FHIT: variants seen among roughly 807,000 people sequenced by gnomAD.
FHIT encodes bis(5'-adenosyl)-triphosphatase.
Under a neutral mutation model 17.9 loss-of-function variants are expected in FHIT, and 19 were observed. That is an observed-to-expected ratio of 1.06 (90% CI 0.74 to 1.56). The LOEUF is 1.56. Ranked by LOEUF, FHIT falls within the 40% of genes most tolerant of loss-of-function variation. FHIT has a pLI of 0.00. For synonymous variants in FHIT, 81 were observed against 69.7 expected, an observed-to-expected ratio of 1.16 and a Z score of -0.81; for missense variants, 248 against 189.2, an observed-to-expected ratio of 1.31 and a Z score of -1.82.
chr3:60,589,831 C>G (rs905032777), intron 4 of FHIT, among the ~76,000 whole-genome samples: 1 of 152,090 alleles, frequency 6.6e-6, no homozygotes, highest in Non-Finnish European at 1.5e-5. Flanking sequence ...TGCTGACCAG[C>G]AAACATGAAT....
chr3:60,423,506 A>G (rs17063054), intron 5 of FHIT, among the ~76,000 whole-genome samples: 1,643 of 152,024 alleles, frequency 0.011, 14 homozygotes, highest in Middle Eastern at 0.017. Context: ...ATTGATATGA[A>G]TGAGATATCT....
At chr3:61,060,917 T>C (rs1036664473) in intron 2 of FHIT, among the ~76,000 whole-genome samples, 3 of 152,204 alleles carry the variant, frequency 2.0e-5, no homozygotes, top group Admixed American at 1.3e-4. Context: ...GTTACCCTGG[T>C]TTCCTAAGCA....
intron 4 of FHIT, among the ~76,000 whole-genome samples, chr3:60,639,925 C>G (rs2856059): frequency 6.6e-6 from 1 of 151,904 alleles, no homozygotes; most frequent in Non-Finnish European, 1.5e-5. Context: ...CACAAAATGT[C>G]GAATAACCAT....
chr3:61,168,822 C>T (rs886456642), intron 2 of FHIT, among the ~76,000 whole-genome samples: 2 of 152,188 alleles, frequency 1.3e-5, no homozygotes, highest in Non-Finnish European at 2.9e-5. Flanking sequence ...CACCATGAAG[C>T]TCAAATTTGC....
chr3:60,435,805 T>C (rs1018836345), intron 5 of FHIT, among the ~76,000 whole-genome samples: 1 of 152,092 alleles, frequency 6.6e-6, no homozygotes, highest in African/African-American at 2.4e-5. Context: ...CTCCCTCCTC[T>C]CACACTCCGT....
intron 4 of FHIT, among the ~76,000 whole-genome samples, chr3:60,576,657 C>G (rs191702499): frequency 1.3e-5 from 2 of 151,858 alleles, no homozygotes; most frequent in African/African-American, 2.4e-5. Context: ...CAGAACAGAC[C>G]GTGAAAATGT....
At chr3:60,375,439 G>A (rs560143358) in intron 5 of FHIT, among the ~76,000 whole-genome samples, 8 of 151,814 alleles carry the variant, frequency 5.3e-5, no homozygotes, top group African/African-American at 7.3e-5. Flanking sequence ...GCCAGATGTG[G>A]TGGTGTACAC....
At chr3:61,215,309 A>C (rs1303842390) in intron 1 of FHIT, among the ~76,000 whole-genome samples, 3 of 151,924 alleles carry the variant, frequency 2.0e-5, no homozygotes, top group Admixed American at 1.3e-4. Context: ...CAGCTTCAGC[A>C]AAGTCTCAGG....
intron 8 of FHIT, among the ~76,000 whole-genome samples, chr3:59,791,042 G>C (rs1370121500): frequency 1.3e-5 from 2 of 152,054 alleles, no homozygotes; most frequent in Non-Finnish European, 2.9e-5. Context: ...CTTTGCCTGG[G>C]CTCCATTAAT....
intron 5 of FHIT, among the ~76,000 whole-genome samples, chr3:60,440,715 C>G (rs1418841762): frequency 6.6e-6 from 1 of 151,990 alleles, no homozygotes; most frequent in East Asian, 1.9e-4. Context: ...AAGTTTTTTT[C>G]TTGCCTGTCT....
intron 4 of FHIT, among the ~76,000 whole-genome samples, chr3:60,816,638 G>A (rs1353738509): frequency 6.6e-6 from 1 of 151,946 alleles, no homozygotes; most frequent in South Asian, 2.1e-4. Flanking sequence ...TGGTTTGCTG[G>A]TATTATGTTC....
At chr3:61,241,534 T>C (rs1382719439) in intron 1 of FHIT, among the ~76,000 whole-genome samples, 1 of 152,218 alleles carries the variant, frequency 6.6e-6, no homozygotes, top group Non-Finnish European at 1.5e-5. Context: ...GTAGATTGTA[T>C]GCTCCTCCAG....
chr3:61,138,501 C>A (rs916032084), intron 2 of FHIT, among the ~76,000 whole-genome samples: 2 of 152,228 alleles, frequency 1.3e-5, no homozygotes, highest in Non-Finnish European at 2.9e-5. Context: ...TTAAAACACA[C>A]AGCTGCCTGT....
chr3:61,081,621 C>T (rs961740148), intron 2 of FHIT, among the ~76,000 whole-genome samples: 2 of 152,186 alleles, frequency 1.3e-5, no homozygotes, highest in African/African-American at 4.8e-5. Context: ...TCCTTCCTTG[C>T]CTCTTCCTAA....
intron 5 of FHIT, among the ~76,000 whole-genome samples, chr3:60,427,550 C>G (rs1453187145): frequency 6.6e-6 from 1 of 152,084 alleles, no homozygotes; most frequent in Non-Finnish European, 1.5e-5. Flanking sequence ...ACAGCAATAG[C>G]AATCTCCCGT....
intron 1 of FHIT, among the ~76,000 whole-genome samples, chr3:61,236,257 A>C (rs985337098): frequency 2.0e-5 from 3 of 148,132 alleles, no homozygotes. Context: ...ATAAATATAT[A>C]TTATTGTTAT....
intron 8 of FHIT, among the ~76,000 whole-genome samples, chr3:59,827,650 A>G (rs1287181428): frequency 6.6e-6 from 1 of 152,226 alleles, no homozygotes; most frequent in African/African-American, 2.4e-5. Flanking sequence ...TAAAGGGACA[A>G]GGTCACTCAG....
intron 7 of FHIT, among the ~76,000 whole-genome samples, chr3:60,007,125 T>A (rs1185869417): frequency 6.6e-6 from 1 of 152,158 alleles, no homozygotes; most frequent in Admixed American, 6.6e-5. Context: ...CCAGATTACC[T>A]GCCTGGAATA....
At position 60,317,635 on chromosome 3, in the gene FHIT, G is replaced by GTGTA. The variant is rs1553742597; in HGVS notation, c.103+219224_103+219225insTACA. Among the ~76,000 whole-genome samples the GTGTA allele has an allele frequency of 4.5e-3, 608 of 134,450 alleles. 1 individual carries two copies. The highest frequency in any genetic ancestry group is 0.014 in the African/African-American group (550 of 38,266). The allele number at this position is 134,450 out of a possible 152,430, so 88.2% of individuals were successfully genotyped here. A position where few individuals can be genotyped will look rare whatever the true frequency, so the allele number is the denominator to read the frequency against. On this transcript the variant is annotated intron_variant, in intron 5 of 9. Transcript: ENST00000492590. ...ATTATATATGTGTGTGTGTGTGTGTGTATATATATATATATATAATATTTT... is the reference window on the plus strand; with the variant it reads ...ATTATATATGTGTGTGTGTGTGTGTGTGTATATATATATATATATATAATATTTT...
Sources: allele counts gnomAD v4.1 joint callset (sites outside exome capture counted in the v4.1 genomes callset), GRCh38; gene constraint gnomAD v4.1.1; transcripts MANE v1.5; gene names NCBI Gene and HGNC (gene_info 2026-07-23, HGNC 2026-07-21).